Variants in WIPI2 observed in about 807,000 individuals in gnomAD.
The protein encoded by WIPI2 is WD repeat domain, phosphoinositide interacting 2.
In WIPI2, 28 loss-of-function variants were observed where a neutral mutation model predicts 52.3. The ratio of observed to expected loss-of-function variants is 0.54; its 90% CI spans 0.40 to 0.73. The LOEUF (loss-of-function observed/expected upper bound fraction) is 0.73. Among genes scored for constraint, WIPI2 ranks in the 30% least tolerant of loss-of-function variants. The probability of loss-of-function intolerance (pLI) is 0.00; values close to 1 mark genes in which losing one functional copy is unlikely to be tolerated. For missense variants in WIPI2, 506 were observed against 602.9 expected, an observed-to-expected ratio of 0.84 and a Z score of 1.68; for synonymous variants, 268 against 245.0, an observed-to-expected ratio of 1.09 and a Z score of -0.88.
At chr7:5,217,317 G>A in intron 6 of WIPI2, 130 bp downstream of exon 6, 1 of 973,562 alleles carries the variant, frequency 1.0e-6, no homozygotes, top group Non-Finnish European at 1.6e-6. Context: ...TTGTTTGTTT[G>A]TTTTTGAGAC....
At chr7:5,214,308 T>A (rs774538766) in intron 3 of WIPI2, 2 of 1,534,214 alleles carry the variant, frequency 1.3e-6, no homozygotes, top group African/African-American at 1.4e-5. Flanking sequence ...TTCGTGTGAA[T>A]GCTCGTGAGG....
intron 5 of WIPI2, 186 bp from the exon 6 acceptor site, chr7:5,216,904 C>T: frequency 1.4e-6 from 1 of 715,678 alleles, no homozygotes; most frequent in Non-Finnish European, 2.3e-6. Context: ...AATCTCTTGA[C>T]AATACTGGTA....
At chr7:5,199,700 A>AG in intron 3 of WIPI2, 42 bp downstream of exon 3, 1 of 1,553,658 alleles carries the variant, frequency 6.4e-7, no homozygotes, top group East Asian at 2.2e-5. Flanking sequence ...AAAAAAAAAA[A>AG]AAAAGTTGTA....
At chr7:5,205,791 A>T (rs1782265452) in intron 3 of WIPI2, among the ~76,000 whole-genome samples, 1 of 151,532 alleles carries the variant, frequency 6.6e-6, no homozygotes, top group Non-Finnish European at 1.5e-5. Context: ...TATAGGCATG[A>T]ACCATCGTGC....
chr7:5,228,032 G>C (rs779472803), intron 10 of WIPI2, 72 bp from the exon 11 acceptor site: 73 of 1,480,932 alleles, frequency 4.9e-5, no homozygotes, highest in Non-Finnish European at 6.5e-5. Context: ...CCTGCCAAAA[G>C]TGAGGCCGCC....
intron 8 of WIPI2, among the ~76,000 whole-genome samples, chr7:5,224,572 A>G (rs1036852114): frequency 6.6e-5 from 10 of 152,260 alleles, no homozygotes; most frequent in African/African-American, 1.9e-4. Flanking sequence ...GTTTTTAAGG[A>G]TAACTTGGGT....
chr7:5,225,502 GC>G (rs1257905596), intron 8 of WIPI2, among the ~76,000 whole-genome samples: 1 of 152,128 alleles, frequency 6.6e-6, no homozygotes, highest in African/African-American at 2.4e-5. Context: ...GGAAAGAATG[GC>G]TGTAACTTAA....
rs1783706271 is a variant in WIPI2, at chr7:5,231,112, G to A, written c.*165G>A. ...GGTAGTCTAACTCCATAACGCTGAGGAAATACATCATTTTCACTTCAGTGG... is the reference window on the plus strand; with the variant it reads ...GGTAGTCTAACTCCATAACGCTGAGAAAATACATCATTTTCACTTCAGTGG... On this transcript the variant is annotated 3_prime_UTR_variant, in exon 13 of 13. Coordinates refer to ENST00000288828, the MANE Select transcript of WIPI2 (RefSeq NM_015610.4). The A allele has an allele frequency of 2.2e-6, 1 of 447,314 alleles. No individual in the cohort carries two copies. 27.7% of individuals were successfully genotyped at this position (447,314 alleles called of 1,614,324 possible).
chr7:5,192,203 A>G (rs1384832423), intron 1 of WIPI2, among the ~76,000 whole-genome samples: 1 of 152,220 alleles, frequency 6.6e-6, no homozygotes, highest in Non-Finnish European at 1.5e-5. Context: ...AACCTGTTGC[A>G]GTTCAAGTGG....
At position 5,216,625 on chromosome 7, in the gene WIPI2, G is replaced by A. The variant is rs1014538507; in HGVS notation, c.444G>A (p.Leu148=). The A allele has an allele frequency of 1.2e-5, 20 of 1,614,078 alleles. No individual in the cohort carries two copies. The highest frequency in any genetic ancestry group is 6.7e-5 in the Admixed American group (4 of 59,994). The part of the protein sequence containing the change: ...YIHNIRDMKV[L]HTIRETPPNP... ...ACAACATTCGGGACATGAAGGTGCT[G>A]CATACGATCAGGGAGACGCCTCCAA... The change falls in exon 5 of 13, where the codon CTG becomes CTA. Residue 148 remains leucine, a synonymous_variant. Coordinates refer to ENST00000288828, the MANE Select transcript of WIPI2 (RefSeq NM_015610.4).
chr7:5,231,122 A>C lies in WIPI2; in HGVS notation c.*175A>C, dbSNP rs1783706532. On this transcript the variant is annotated 3_prime_UTR_variant, in exon 13 of 13. Coordinates refer to ENST00000288828, the MANE Select transcript of WIPI2 (RefSeq NM_015610.4). ...CTCCATAACGCTGAGGAAATACATCATTTTCACTTCAGTGGCTTTTAAATC... is the reference window on the plus strand; with the variant it reads ...CTCCATAACGCTGAGGAAATACATCCTTTTCACTTCAGTGGCTTTTAAATC... 2 of 440,720 alleles carry C rather than the reference A, an allele frequency of 4.5e-6. No individual in the cohort carries two copies. Among genetic ancestry groups the C allele is most frequent in the South Asian group, 1.3e-4 (2 of 15,436 alleles). 27.3% of individuals were successfully genotyped at this position (440,720 alleles called of 1,614,324 possible). A position where few individuals can be genotyped will look rare whatever the true frequency, so the allele number is the denominator to read the frequency against.
chr7:5,193,397 A>G (rs1781573103), intron 2 of WIPI2: 2 of 1,270,490 alleles, frequency 1.6e-6, no homozygotes, highest in Non-Finnish European at 2.1e-6. Context: ...AAGGGATGGA[A>G]TGAAGAAAGG....
intron 9 of WIPI2, 140 bp downstream of exon 9, chr7:5,226,070 G>C: frequency 1.3e-6 from 1 of 765,966 alleles, no homozygotes; most frequent in East Asian, 2.7e-5. Flanking sequence ...GCCATGGAGC[G>C]AGCACCTCCG....
intron 1 of WIPI2, among the ~76,000 whole-genome samples, chr7:5,192,874 G>A (rs1468254708): frequency 1.3e-5 from 2 of 152,188 alleles, no homozygotes; most frequent in African/African-American, 4.8e-5. Flanking sequence ...ACTGTATGCA[G>A]TGAGAAAATT....
Position 5,197,944 on chromosome 7 carries a change from A to G in WIPI2, c.129-1632A>G, listed in dbSNP as rs112852033. Among the ~76,000 whole-genome samples, 57 of 152,278 alleles carry G rather than the reference A, an allele frequency of 3.7e-4. 1 individual carries two copies. The highest frequency in any genetic ancestry group is 3.4e-3 in the Middle Eastern group (1 of 294). ...CTTCTTGTTTTGCTTTCTTTGGTCA[A>G]CTGGGTTCTGGAGAGGCACTTTTCT... is the stretch of plus-strand genomic sequence containing the variant. On this transcript the variant is annotated intron_variant, in intron 2 of 12. Transcript: ENST00000288828.
intron 3 of WIPI2, among the ~76,000 whole-genome samples, chr7:5,200,411 C>T (rs113297286): frequency 1.3e-5 from 2 of 152,180 alleles, no homozygotes; most frequent in Admixed American, 1.3e-4. Flanking sequence ...CCCTTGCATC[C>T]TTTACCCTGT....
At chr7:5,211,786 A>C (rs996412115) in intron 3 of WIPI2, among the ~76,000 whole-genome samples, 16 of 152,228 alleles carry the variant, frequency 1.1e-4, no homozygotes, top group Non-Finnish European at 2.1e-4. Flanking sequence ...TTCACCATTC[A>C]GGAAGTAGAT....
At chr7:5,199,379 C>G (rs1321439678) in intron 2 of WIPI2, among the ~76,000 whole-genome samples, 197 bp from the exon 3 acceptor site, 1 of 152,148 alleles carries the variant, frequency 6.6e-6, no homozygotes. Flanking sequence ...ATAATATTGT[C>G]TGTATTTTAT....
chr7:5,220,960 A>ATT (rs11361126), intron 7 of WIPI2, among the ~76,000 whole-genome samples: 9,444 of 107,504 alleles, frequency 0.088, 661 homozygotes, highest in Non-Finnish European at 0.12. Flanking sequence ...CACCCACCTA[A>ATT]TTTTTTTTTT....
Sources: allele counts gnomAD v4.1 joint callset (sites outside exome capture counted in the v4.1 genomes callset), GRCh38; gene constraint gnomAD v4.1.1; transcripts MANE v1.5; gene names NCBI Gene and HGNC (gene_info 2026-07-23, HGNC 2026-07-21).